The following IRX3 variants were observed in gnomAD, a reference collection of about 807,000 sequenced individuals.
The protein encoded by IRX3 is iroquois-class homeodomain protein IRX-3.
Under a neutral mutation model 36.4 loss-of-function variants are expected in IRX3, and 20 were observed. That is an observed-to-expected ratio of 0.55 (90% CI 0.39 to 0.80). The LOEUF is 0.80. Among genes scored for constraint, IRX3 ranks in the 30% least tolerant of loss-of-function variants. IRX3 has a pLI of 0.00. For missense variants in IRX3, 718 were observed against 733.2 expected (o/e 0.98, Z 0.24); for synonymous variants, 404 against 351.6 (o/e 1.15, Z -1.67).
At position 54,285,791 on chromosome 16, in the gene IRX3, G is replaced by A. The variant is rs1387582020; in HGVS notation, c.260C>T (p.Pro87Leu). ...GGCTCCGCGGGCTCTTACCAGCTGC[G>A]GGAAGATGGGCAGCTCCGCGGCGTA... is the stretch of plus-strand genomic sequence containing the variant. ...LPYAAELPIF[P>L]QLGAQYELKD... Residue 87 changes from proline to leucine, a missense_variant, in exon 1 of 4, where the codon CCG (proline) becomes CTG (leucine). By Grantham distance (98) the Pro-to-Leu change is moderately conservative (BLOSUM62 -3). Around this residue, in one of 3 missense-constraint regions of IRX3, gnomAD observed 204 missense variants for 181.4 expected, o/e 1.12. Transcript: ENST00000329734. The surrounding 1 kb of genome is among the most constrained non-coding windows in gnomAD (Gnocchi z 5.7). 1.9e-6 allele frequency: 3 copies of A among 1,556,030 alleles called. No homozygotes were observed. The highest frequency in any genetic ancestry group is 2.6e-6 in the Non-Finnish European group (3 of 1,159,246).
Position 54,284,041 on chromosome 16 carries a change from G to A in IRX3, c.1451+205C>T. 1 of 1,330,046 alleles carries A rather than the reference G, an allele frequency of 7.5e-7. No homozygotes were observed. The highest frequency in any genetic ancestry group is 1.0e-6 in the Non-Finnish European group (1 of 1,004,426). 82.4% of individuals were successfully genotyped at this position (1,330,046 alleles called of 1,614,324 possible). On this transcript the variant is annotated intron_variant, in intron 3 of 3. Coordinates refer to ENST00000329734, the MANE Select transcript of IRX3 (RefSeq NM_024336.3). The surrounding 1 kb of genome is among the most constrained non-coding windows in gnomAD (Gnocchi z 4.0). ...GGTACAAGCGCTGTACCCTCCGGCC[G>A]CGCCTGGGGTGCCTGGGCTGGACCT...
chr16:54,284,523 C>G lies in IRX3; in HGVS notation c.1358G>C (p.Arg453Pro). Residue 453 changes from arginine to proline, a missense_variant, in exon 2 of 4, where the codon CGG becomes CCG. Coordinates refer to ENST00000329734, the MANE Select transcript of IRX3 (RefSeq NM_024336.3). This position sits in a 1 kb window ranked among gnomAD's most constrained non-coding sequence, Gnocchi z 4.0. The part of the protein sequence containing the change: ...GHPAAAAAFA[R>P]PAEPEGGTDR... ...TGTTCCGCCTTCGGGCTCCGCTGGC[C>G]GAGCGAAGGCGGCGGCGGCAGCCGG... 2.1e-6 allele frequency: 3 copies of G among 1,412,506 alleles called. No homozygotes were observed. The highest frequency in any genetic ancestry group is 2.7e-6 in the Non-Finnish European group (3 of 1,094,138). The allele number at this position is 1,412,506 out of a possible 1,614,324, so 87.5% of individuals were successfully genotyped here.
In IRX3 at chr16:54,285,867, C is replaced by A; in HGVS notation, c.184G>T (p.Ala62Ser). Residue 62 changes from alanine to serine, a missense_variant, in exon 1 of 4, where the codon GCC becomes TCC. Transcript: ENST00000329734. This position sits in a 1 kb window ranked among gnomAD's most constrained non-coding sequence, Gnocchi z 5.7. ...VLSSVYGAPY[A>S]AAAAAAAAQG... ...GCGGCGGCGGCCGCAGCGGCCGCGG[C>A]GTAGGGCGCCCCGTACACGGACGAG... 6 of 1,541,602 alleles carry A rather than the reference C, an allele frequency of 3.9e-6. No homozygotes were observed. Among genetic ancestry groups the A allele is most frequent in the Non-Finnish European group, 5.2e-6 (6 of 1,145,696 alleles).
At position 54,286,051 on chromosome 16, in the gene IRX3, G is replaced by A. The variant is rs1901330998; in HGVS notation, c.-1C>T. On this transcript the variant is annotated 5_prime_UTR_variant, in exon 1 of 4. Coordinates refer to ENST00000329734, the MANE Select transcript of IRX3 (RefSeq NM_024336.3). Reference sequence around the variant, plus strand: ...GGTATCCCAGCTGGGGGAAGGACATGGTGGCCCGCGGGGCACGGACGGAGA... The same window carrying A: ...GGTATCCCAGCTGGGGGAAGGACATAGTGGCCCGCGGGGCACGGACGGAGA... 1.6e-6 allele frequency: 2 copies of A among 1,278,036 alleles called. No individual in the cohort carries two copies. The highest frequency in any genetic ancestry group is 5.7e-5 in the South Asian group (2 of 35,086). 79.2% of individuals were successfully genotyped at this position (1,278,036 alleles called of 1,614,324 possible). A position where few individuals can be genotyped will look rare whatever the true frequency, so the allele number is the denominator to read the frequency against.
chr16:54,286,167 G>A lies in IRX3; in HGVS notation c.-117C>T, dbSNP rs557709472. On this transcript the variant is annotated 5_prime_UTR_variant, in exon 1 of 4. Transcript: ENST00000329734. ...GGGCCGGGCTTGGGGCCGCGCTGCCGCCCGCGCTGCGCTGTGCTCCGCGTT... is the reference window on the plus strand; with the variant it reads ...GGGCCGGGCTTGGGGCCGCGCTGCCACCCGCGCTGCGCTGTGCTCCGCGTT... 2 of 1,054,424 alleles carry A rather than the reference G, an allele frequency of 1.9e-6. No homozygotes were observed. The highest frequency in any genetic ancestry group is 1.1e-4 in the Admixed American group (2 of 18,290). The allele number at this position is 1,054,424 out of a possible 1,614,324, so 65.3% of individuals were successfully genotyped here. A position where few individuals can be genotyped will look rare whatever the true frequency, so the allele number is the denominator to read the frequency against.
In IRX3 at chr16:54,285,698, G is replaced by C; in HGVS notation, c.268-85C>G. The C allele has an allele frequency of 6.8e-7, 1 of 1,464,138 alleles. No homozygotes were observed. Among genetic ancestry groups the C allele is most frequent in the African/African-American group, 1.4e-5 (1 of 70,874 alleles). 90.7% of individuals were successfully genotyped at this position (1,464,138 alleles called of 1,614,324 possible). On this transcript the variant is annotated intron_variant, in intron 1 of 3. Coordinates refer to ENST00000329734, the MANE Select transcript of IRX3 (RefSeq NM_024336.3). The surrounding 1 kb of genome is among the most constrained non-coding windows in gnomAD (Gnocchi z 5.7). Reference sequence around the variant, plus strand: ...ATCGCTGCCTCCCCCCTCCTGGCCTGCACCCCTCTAGTCCGGCCCCCGCGC... The same window carrying C: ...ATCGCTGCCTCCCCCCTCCTGGCCTCCACCCCTCTAGTCCGGCCCCCGCGC...
rs1162360349 is a variant in IRX3 at position 54,284,919 on chromosome 16, G to A, written c.962C>T (p.Ser321Leu). ...APAPPPVAVA[S>L]PSLPSPPVSL... Reference sequence around the variant, plus strand: ...CACGGGGGGCGACGGCAGAGACGGCGAGGCCACGGCCACTGGTGGTGGCGC... The same window carrying A: ...CACGGGGGGCGACGGCAGAGACGGCAAGGCCACGGCCACTGGTGGTGGCGC... The change falls in exon 2 of 4, where the codon TCG becomes TTG. Residue 321 changes from serine to leucine, a missense_variant. This residue lies in a region of IRX3 where 468 missense variants were observed against 462.1 expected (regional missense o/e 1.01). Coordinates refer to ENST00000329734, the MANE Select transcript of IRX3 (RefSeq NM_024336.3). The surrounding 1 kb of genome is among the most constrained non-coding windows in gnomAD (Gnocchi z 4.0). 1.3e-6 allele frequency: 2 copies of A among 1,591,578 alleles called. No individual in the cohort carries two copies. The highest frequency in any genetic ancestry group is 2.3e-5 in the East Asian group (1 of 44,206).
In IRX3 at chr16:54,286,196, C is replaced by T; in HGVS notation, c.-146G>A. On this transcript the variant is annotated 5_prime_UTR_variant, in exon 1 of 4. Transcript: ENST00000329734. ...GCGCTGCGCTGTGCTCCGCGTTCGC[C>T]TATTGATCTGCTCCGCGGCGGCGAC... 1.9e-6 allele frequency: 2 copies of T among 1,029,714 alleles called. No individual in the cohort carries two copies. Among genetic ancestry groups the T allele is most frequent in the Non-Finnish European group, 2.3e-6 (2 of 858,654 alleles). 63.8% of individuals were successfully genotyped at this position (1,029,714 alleles called of 1,614,324 possible).
At position 54,284,583 on chromosome 16, in the gene IRX3, G is replaced by C; in HGVS notation, c.1298C>G (p.Pro433Arg). The change falls in exon 2 of 4, where the codon CCG becomes CGG. Residue 433 changes from proline (P) to arginine (R), a missense_variant. Pro to Arg is a moderately radical substitution (Grantham distance 103). This residue lies in a region of IRX3 where 468 missense variants were observed against 462.1 expected (regional missense o/e 1.01). Coordinates refer to ENST00000329734, the MANE Select transcript of IRX3 (RefSeq NM_024336.3). This position sits in a 1 kb window ranked among gnomAD's most constrained non-coding sequence, Gnocchi z 4.0. ...GGCTCCGGGAAGTCCCAGCAGGTGC[G>C]GAGGGGCAGAGCCCAGCAGGGAGAG... ...HPLSLLGSAP[P>R]HLLGLPGAAG... 7.1e-7 allele frequency: 1 copy of C among 1,400,420 alleles called. No individual in the cohort carries two copies. Among genetic ancestry groups the C allele is most frequent in the Non-Finnish European group, 9.2e-7 (1 of 1,090,354 alleles). 86.7% of individuals were successfully genotyped at this position (1,400,420 alleles called of 1,614,324 possible). A position where few individuals can be genotyped will look rare whatever the true frequency, so the allele number is the denominator to read the frequency against.
In IRX3 at chr16:54,283,760, G is replaced by A. The variant is rs1301581594; in HGVS notation, c.1452-20C>T. On this transcript the variant is annotated intron_variant, in intron 3 of 3. Coordinates refer to ENST00000329734, the MANE Select transcript of IRX3 (RefSeq NM_024336.3). This position sits in a 1 kb window ranked among gnomAD's most constrained non-coding sequence, Gnocchi z 4.4. ...TGGGGCCTGGAAGAGAGAGACAGTAGTAGCAAAAGAGGTGAGATTCAGGAG... is the reference window on the plus strand; with the variant it reads ...TGGGGCCTGGAAGAGAGAGACAGTAATAGCAAAAGAGGTGAGATTCAGGAG... 1.9e-6 allele frequency: 3 copies of A among 1,611,622 alleles called. No individual in the cohort carries two copies. The highest frequency in any genetic ancestry group is 2.5e-6 in the Non-Finnish European group (3 of 1,178,294).
rs1188421244 is a variant in IRX3 at position 54,286,230 on chromosome 16, C to A, written c.-180G>T. On this transcript the variant is annotated 5_prime_UTR_variant, in exon 1 of 4. Coordinates refer to ENST00000329734, the MANE Select transcript of IRX3 (RefSeq NM_024336.3). ...TGCTCCGCGGCGGCGACGGCGGCGG[C>A]GAGGGCGGCGGCGAGGAGCCAGGTC... 2 of 1,011,940 alleles carry A rather than the reference C, an allele frequency of 2.0e-6. No homozygotes were observed. The highest frequency in any genetic ancestry group is 3.5e-5 in the African/African-American group (2 of 57,726). The allele number at this position is 1,011,940 out of a possible 1,614,324, so 62.7% of individuals were successfully genotyped here.
At position 54,285,914 on chromosome 16, in the gene IRX3, G is replaced by A; in HGVS notation, c.137C>T (p.Ser46Leu). 6.6e-7 allele frequency: 1 copy of A among 1,524,254 alleles called. No homozygotes were observed. The highest frequency in any genetic ancestry group is 8.8e-7 in the Non-Finnish European group (1 of 1,136,496). 94.4% of individuals were successfully genotyped at this position (1,524,254 alleles called of 1,614,324 possible). The change falls in exon 1 of 4, where the codon TCG becomes TTG. Residue 46 changes from serine (S) to leucine (L), a missense_variant. By Grantham distance (145) the Ser-to-Leu change is moderately radical (BLOSUM62 -2). This residue lies in a region of IRX3 where 204 missense variants were observed against 181.4 expected (regional missense o/e 1.12). Transcript: ENST00000329734. This position sits in a 1 kb window ranked among gnomAD's most constrained non-coding sequence, Gnocchi z 5.7. ...LGAGASELNA[S>L]GSLSNVLSSV... ...CGAGAGCACGTTGGACAGGGACCCC[G>A]AGGCGTTCAGCTCCGAGGCTCCGGC... is the stretch of plus-strand genomic sequence containing the variant.
chr16:54,284,703 G>A lies in IRX3; in HGVS notation c.1178C>T (p.Ala393Val), dbSNP rs1324431043. ...LQLSPAAAAA[A>V]AHRLVSAPLG... ...CGGCGCTGAGACCAGTCTGTGAGCG[G>A]CGGCGGCGGCGGCGGCCGGAGAGAG... is the stretch of plus-strand genomic sequence containing the variant. The change falls in exon 2 of 4, where the codon GCC becomes GTC. Residue 393 changes from alanine to valine, a missense_variant. Physicochemically the swap from Ala to Val is moderately conservative, Grantham distance 64. Around this residue, in one of 3 missense-constraint regions of IRX3, gnomAD observed 468 missense variants for 462.1 expected, o/e 1.01. Coordinates refer to ENST00000329734, the MANE Select transcript of IRX3 (RefSeq NM_024336.3). This position sits in a 1 kb window ranked among gnomAD's most constrained non-coding sequence, Gnocchi z 4.0. The A allele has an allele frequency of 7.0e-6, 10 of 1,423,440 alleles. No individual in the cohort carries two copies. Among genetic ancestry groups the A allele is most frequent in the South Asian group, 1.5e-5 (1 of 66,018 alleles). 88.2% of individuals were successfully genotyped at this position (1,423,440 alleles called of 1,614,324 possible).
At position 54,283,662 on chromosome 16, in the gene IRX3, T is replaced by C; in HGVS notation, c.*24A>G. On this transcript the variant is annotated 3_prime_UTR_variant, in exon 4 of 4. Coordinates refer to ENST00000329734, the MANE Select transcript of IRX3 (RefSeq NM_024336.3). The surrounding 1 kb of genome is among the most constrained non-coding windows in gnomAD (Gnocchi z 4.4). ...TACAACGATTAAAAAAAGTTTTTTT[T>C]GTTTTTTTGTTTTTTTTAAAGAACT... 8.8e-7 allele frequency: 1 copy of C among 1,138,730 alleles called. No homozygotes were observed. Among genetic ancestry groups the C allele is most frequent in the Non-Finnish European group, 1.3e-6 (1 of 768,522 alleles). 70.5% of individuals were successfully genotyped at this position (1,138,730 alleles called of 1,614,324 possible).
At position 54,283,759 on chromosome 16, in the gene IRX3, A is replaced by G. The variant is rs770518777; in HGVS notation, c.1452-19T>C. 3 of 1,611,162 alleles carry G rather than the reference A, an allele frequency of 1.9e-6. No individual in the cohort carries two copies. Among genetic ancestry groups the G allele is most frequent in the Non-Finnish European group, 2.5e-6 (3 of 1,177,886 alleles). On this transcript the variant is annotated intron_variant, in intron 3 of 3. Transcript: ENST00000329734. The surrounding 1 kb of genome is among the most constrained non-coding windows in gnomAD (Gnocchi z 4.4). ...CTGGGGCCTGGAAGAGAGAGACAGTAGTAGCAAAAGAGGTGAGATTCAGGA... is the reference window on the plus strand; with the variant it reads ...CTGGGGCCTGGAAGAGAGAGACAGTGGTAGCAAAAGAGGTGAGATTCAGGA...
Position 54,285,282 on chromosome 16 carries a change from T to C in IRX3, c.599A>G (p.Asp200Gly). 6.2e-7 allele frequency: 1 copy of C among 1,614,044 alleles called. No homozygotes were observed. Among genetic ancestry groups the C allele is most frequent in the Non-Finnish European group, 8.5e-7 (1 of 1,180,014 alleles). The part of the protein sequence containing the change: ...KMTWAPRSRT[D>G]EEGNAYGSER... ...GCTCCCATAAGCGTTTCCCTCCTCG[T>C]CAGTGCGGCTGCGAGGCGCCCAAGT... Residue 200 changes from aspartate to glycine, a missense_variant, in exon 2 of 4, where the codon GAC (aspartate) becomes GGC (glycine). Physicochemically the swap from Asp to Gly is moderately conservative, Grantham distance 94. Transcript: ENST00000329734. This position sits in a 1 kb window ranked among gnomAD's most constrained non-coding sequence, Gnocchi z 5.7.
Position 54,286,144 on chromosome 16 carries a change from G to A in IRX3, c.-94C>T. ...GGCTCCGGCGCGCATCGGGGGCTGG[G>A]CCGGGCTTGGGGCCGCGCTGCCGCC... On this transcript the variant is annotated 5_prime_UTR_variant, in exon 1 of 4. Transcript: ENST00000329734. 1 of 1,122,618 alleles carries A rather than the reference G, an allele frequency of 8.9e-7. No individual in the cohort carries two copies. Among genetic ancestry groups the A allele is most frequent in the Non-Finnish European group, 1.1e-6 (1 of 913,716 alleles). The allele number at this position is 1,122,618 out of a possible 1,614,324, so 69.5% of individuals were successfully genotyped here. A position where few individuals can be genotyped will look rare whatever the true frequency, so the allele number is the denominator to read the frequency against.
In IRX3 at chr16:54,283,995, C is replaced by G. The variant is rs940798365; in HGVS notation, c.1451+251G>C. On this transcript the variant is annotated intron_variant, in intron 3 of 3. Coordinates refer to ENST00000329734, the MANE Select transcript of IRX3 (RefSeq NM_024336.3). This position sits in a 1 kb window ranked among gnomAD's most constrained non-coding sequence, Gnocchi z 4.4. ...CGCCCCAGGGGCCTGTGGGCCCAGC[C>G]ACGCAAGGCTTCCCCTAGAAGGTAC... is the stretch of plus-strand genomic sequence containing the variant. 2.0e-5 allele frequency: 29 copies of G among 1,429,668 alleles called. No homozygotes were observed. In the African/African-American group the frequency reaches 4.0e-4, roughly 20 times the overall value. 88.6% of individuals were successfully genotyped at this position (1,429,668 alleles called of 1,614,324 possible).
Position 54,285,362 on chromosome 16 carries a change from C to T in IRX3, c.519G>A (p.Gln173=). ...LAIITKMTLT[Q]VSTWFANARR... ...GCGCGTTGGCGAACCAGGTGGACAC[C>T]TGGGTGAGGGTCATCTTGGTGATGA... The change falls in exon 2 of 4, where the codon CAG becomes CAA. Residue 173 remains glutamine (Q), a synonymous_variant. Coordinates refer to ENST00000329734, the MANE Select transcript of IRX3 (RefSeq NM_024336.3). This position sits in a 1 kb window ranked among gnomAD's most constrained non-coding sequence, Gnocchi z 5.7. 5.6e-6 allele frequency: 9 copies of T among 1,614,162 alleles called. No individual in the cohort carries two copies. Among genetic ancestry groups the T allele is most frequent in the Non-Finnish European group, 6.8e-6 (8 of 1,180,040 alleles).
Sources: gnomAD v4.1 joint callset for allele counts on GRCh38, gnomAD v4.1.1 for gene constraint, gnomAD v4.1.1 regional missense constraint, Gnocchi (gnomAD v3.1) non-coding constraint, MANE v1.5 for transcripts, NCBI Gene and HGNC (gene_info 2026-07-23, HGNC 2026-07-21) for gene names.